Variants in MAT1A observed in about 807,000 individuals in gnomAD.
MAT1A encodes the protein S-adenosylmethionine synthase isoform type-1.
A neutral mutation model predicts 44.0 loss-of-function variants in MAT1A; 19 were observed. The observed-to-expected ratio is 0.43, with a 90% confidence interval of 0.30 to 0.63. MAT1A has a LOEUF of 0.63. MAT1A is among the 30% of genes least tolerant of loss of function. MAT1A has a pLI of 0.12. For missense variants in MAT1A, 397 were observed against 531.0 expected (o/e 0.75, Z 2.48); for synonymous variants, 205 against 205.6 (o/e 1.00, Z 0.03).
In MAT1A at chr10:80,280,263, G is replaced by A; in HGVS notation, c.459C>T (p.Thr153=). Residue 153 remains threonine, a synonymous_variant, in exon 5 of 9, where the codon ACC becomes ACT. Coordinates refer to ENST00000372213, the MANE Select transcript of MAT1A (RefSeq NM_000429.3). Reference sequence around the variant, plus strand: ...CGTTGAGCTTGTGAGCAAGGATGATGGTGAGGGGCATGCACTCCTCTGTCT... The same window carrying A: ...CGTTGAGCTTGTGAGCAAGGATGATAGTGAGGGGCATGCACTCCTCTGTCT... ...TDETEECMPL[T]IILAHKLNAR... is the part of the protein sequence containing the mutation. The A allele has an allele frequency of 1.2e-6, 2 of 1,614,132 alleles. No individual in the cohort carries two copies. The highest frequency in any genetic ancestry group is 1.7e-6 in the Non-Finnish European group (2 of 1,180,020).
chr10:80,276,671 C>G, intron 5 of MAT1A, 77 bp from the exon 6 acceptor site: 1 of 1,462,484 alleles, frequency 6.8e-7, no homozygotes, highest in Non-Finnish European at 9.5e-7. Flanking sequence ...GACACAGGCA[C>G]CCAGGAGGTG....
chr10:80,274,736 G>A (rs1304585993), intron 7 of MAT1A, 83 bp from the exon 8 acceptor site: 9 of 1,563,460 alleles, frequency 5.8e-6, no homozygotes, highest in African/African-American at 1.4e-5. Context: ...CTTCTGAAGG[G>A]ACCAGCGGGG....
chr10:80,289,485 T>G lies in MAT1A; in HGVS notation c.-62A>C. ...ACAATTTTGAGGCTGTGACTTTGCC[T>G]GAGTTTTTTTTTCTTCTTCTTCTTC... On this transcript the variant is annotated 5_prime_UTR_variant, in exon 1 of 9. Coordinates refer to ENST00000372213, the MANE Select transcript of MAT1A (RefSeq NM_000429.3). 1 of 1,294,488 alleles carries G rather than the reference T, an allele frequency of 7.7e-7. No homozygotes were observed. 80.2% of individuals were successfully genotyped at this position (1,294,488 alleles called of 1,614,324 possible).
rs1273433002 is a variant in MAT1A at position 80,273,605 on chromosome 10, G to A, written c.*176C>T. The A allele has an allele frequency of 1.5e-6, 1 of 655,566 alleles. No homozygotes were observed. Among genetic ancestry groups the A allele is most frequent in the East Asian group, 2.7e-5 (1 of 37,388 alleles). 40.6% of individuals were successfully genotyped at this position (655,566 alleles called of 1,614,324 possible). On this transcript the variant is annotated 3_prime_UTR_variant, in exon 9 of 9. Transcript: ENST00000372213. ...CATCAAGATCCAACCTCCAGCACCA[G>A]GAAGCCCCTGCCTCCAGCTGGCCAT...
At chr10:80,285,626 T>C (rs1370776158) in intron 1 of MAT1A, 37 bp from the exon 2 acceptor site, 1 of 1,338,112 alleles carries the variant, frequency 7.5e-7, no homozygotes, top group Non-Finnish European at 1.1e-6. Flanking sequence ...ATCACAAAAA[T>C]ATTCGGGATA....
intron 7 of MAT1A, 110 bp from the exon 8 acceptor site, chr10:80,274,763 C>T: frequency 2.1e-6 from 3 of 1,429,790 alleles, no homozygotes; most frequent in Non-Finnish European, 2.9e-6. Flanking sequence ...TGCCTCTTGC[C>T]CCACATGCTC....
At position 80,288,782 on chromosome 10, in the gene MAT1A, TA is replaced by T. The variant is rs374544018; in HGVS notation, c.91+550del. ...CATGGATAATAGATTAAAGCTTTCC[TA>T]AAAAAAAAATACATATAAAAAGTTA... On this transcript the variant is annotated intron_variant, in intron 1 of 8. Transcript: ENST00000372213. Among the ~76,000 whole-genome samples, 764 of 148,880 alleles carry T rather than the reference TA, an allele frequency of 5.1e-3. 9 individuals are homozygous for T. Among genetic ancestry groups the T allele is most frequent in the African/African-American group, 0.017 (690 of 40,676 alleles).
intron 5 of MAT1A, among the ~76,000 whole-genome samples, chr10:80,277,222 T>G (rs937234015): frequency 6.6e-6 from 1 of 152,058 alleles, no homozygotes; most frequent in African/African-American, 2.4e-5. Flanking sequence ...CCCGCAGGGG[T>G]GCAGCTCTGC....
At position 80,273,388 on chromosome 10, in the gene MAT1A, A is replaced by G. The variant is rs1841435796; in HGVS notation, c.*393T>C. ...GGGGGTCCAGGAGCCCAGGCCCACA[A>G]GGAGCCCTGAGGCCTGTTGAGATGT... On this transcript the variant is annotated 3_prime_UTR_variant, in exon 9 of 9. Transcript: ENST00000372213. The G allele has an allele frequency of 3.6e-6, 1 of 278,460 alleles. No individual in the cohort carries two copies. Among genetic ancestry groups the G allele is most frequent in the Non-Finnish European group, 7.1e-6 (1 of 141,688 alleles). 17.2% of individuals were successfully genotyped at this position (278,460 alleles called of 1,614,324 possible). A position where few individuals can be genotyped will look rare whatever the true frequency, so the allele number is the denominator to read the frequency against.
At chr10:80,288,935 T>C (rs1841683979) in intron 1 of MAT1A, among the ~76,000 whole-genome samples, 1 of 152,218 alleles carries the variant, frequency 6.6e-6, no homozygotes, top group South Asian at 2.1e-4. Flanking sequence ...GGGACTGTTT[T>C]ATGAAACTAC....
chr10:80,278,536 C>T (rs114044398), intron 5 of MAT1A, among the ~76,000 whole-genome samples: 1,567 of 152,256 alleles, frequency 0.01, 32 homozygotes, highest in African/African-American at 0.036. Context: ...GGTGCCATCA[C>T]GATCTACATG....
intron 8 of MAT1A, 41 bp from the exon 9 acceptor site, chr10:80,273,924 C>T (rs551820928): frequency 7.2e-7 from 1 of 1,394,662 alleles, no homozygotes. Flanking sequence ...GAAGATGGAA[C>T]AGGAGCAGGG....
At position 80,281,051 on chromosome 10, in the gene MAT1A, A is replaced by AAC. The variant is rs144593571; in HGVS notation, c.293-261_293-260dup. Among the ~76,000 whole-genome samples the AAC allele has an allele frequency of 5.3e-5, 8 of 151,764 alleles. No individual in the cohort carries two copies. The South Asian group carries it at 1.0e-3, about 20-fold the overall frequency. ...TACTGTGCTCAATTAGACCTTGGTT[A>AAC]ACACACACACACACATCCTACAGAG... On this transcript the variant is annotated intron_variant, in intron 3 of 8. Transcript: ENST00000372213.
intron 5 of MAT1A, 44 bp downstream of exon 5, chr10:80,280,129 A>G: frequency 6.2e-7 from 1 of 1,609,946 alleles, no homozygotes; most frequent in Non-Finnish European, 8.5e-7. Context: ...TGGGGGTATT[A>G]AAGCTTCTGT....
chr10:80,274,150 C>T (rs1014592429), intron 8 of MAT1A, among the ~76,000 whole-genome samples: 1 of 152,236 alleles, frequency 6.6e-6, no homozygotes, highest in Non-Finnish European at 1.5e-5. Flanking sequence ...CTTACCTGGC[C>T]CAGGCCAATG....
Position 80,284,053 on chromosome 10 carries a change from G to C in MAT1A, c.170-15C>G, listed in dbSNP as rs758530516. On this transcript the variant is annotated splice_polypyrimidine_tract_variant and intron_variant, in intron 2 of 8. Coordinates refer to ENST00000372213, the MANE Select transcript of MAT1A (RefSeq NM_000429.3). Reference sequence around the variant, plus strand: ...GCACACTGTCTCTGAAAGGGAGCGGGGAGCGAGGAGAGTTAGCAGCCAAGT... The same window carrying C: ...GCACACTGTCTCTGAAAGGGAGCGGCGAGCGAGGAGAGTTAGCAGCCAAGT... The C allele has an allele frequency of 6.2e-7, 1 of 1,613,530 alleles. No individual in the cohort carries two copies. The highest frequency in any genetic ancestry group is 1.1e-5 in the South Asian group (1 of 90,924).
At chr10:80,276,715 G>C in intron 5 of MAT1A, 121 bp from the exon 6 acceptor site, 1 of 888,918 alleles carries the variant, frequency 1.1e-6, no homozygotes, top group Non-Finnish European at 1.9e-6. Flanking sequence ...GGGGCCTCCT[G>C]TCTTCAAAGG....
chr10:80,274,965 T>A, intron 7 of MAT1A, 52 bp downstream of exon 7: 1 of 1,535,462 alleles, frequency 6.5e-7, no homozygotes, highest in Non-Finnish European at 8.8e-7. Flanking sequence ...AGGGCAGAAC[T>A]GGGCAGGGGT....
intron 5 of MAT1A, 117 bp from the exon 6 acceptor site, chr10:80,276,711 T>C: frequency 2.2e-6 from 2 of 927,720 alleles, no homozygotes; most frequent in South Asian, 2.6e-5. Context: ...AAGTGGGGCC[T>C]CCTGTCTTCA....
Sources: allele counts gnomAD v4.1 joint callset (sites outside exome capture counted in the v4.1 genomes callset), GRCh38; gene constraint gnomAD v4.1.1; transcripts MANE v1.5; gene names NCBI Gene and HGNC (gene_info 2026-07-23, HGNC 2026-07-21).